Variants in CYP7B1 observed in about 807,000 individuals in gnomAD.
The protein encoded by CYP7B1 is cytochrome P450 family 7 subfamily B member 1.
Under a neutral mutation model 42.7 loss-of-function variants are expected in CYP7B1, and 29 were observed. That is an observed-to-expected ratio of 0.68 (90% CI 0.51 to 0.93). The LOEUF is 0.93. Among genes scored for constraint, CYP7B1 ranks in the 40% least tolerant of loss-of-function variants. The pLI is 0.00. For synonymous variants in CYP7B1, 235 were observed against 218.2 expected (o/e 1.08, Z -0.68); for missense variants, 655 against 600.5 (o/e 1.09, Z -0.95).
chr8:64,695,899 T>C (rs577085498), intron 1 of CYP7B1, among the ~76,000 whole-genome samples: 2 of 152,274 alleles, frequency 1.3e-5, no homozygotes, highest in South Asian at 4.1e-4. Flanking sequence ...GCAAAATGTT[T>C]TCAAGTACTT....
At chr8:64,614,213 T>C (rs182242326) in intron 4 of CYP7B1, among the ~76,000 whole-genome samples, 2 of 152,228 alleles carry the variant, frequency 1.3e-5, no homozygotes, top group East Asian at 3.9e-4. Context: ...GGGAACGAAA[T>C]CTTTAATTTG....
intron 2 of CYP7B1, among the ~76,000 whole-genome samples, chr8:64,623,153 C>T (rs995134616): frequency 6.6e-6 from 1 of 152,236 alleles, no homozygotes; most frequent in Non-Finnish European, 1.5e-5. Flanking sequence ...CCTTCCATCT[C>T]TCTACATGTG....
At chr8:64,677,750 A>C (rs1806473039) in intron 1 of CYP7B1, among the ~76,000 whole-genome samples, 2 of 101,082 alleles carry the variant, frequency 2.0e-5, no homozygotes, top group Non-Finnish European at 3.7e-5. Flanking sequence ...AATGTATCTT[A>C]AGATCTATGT....
At chr8:64,792,871 T>A (rs1417894788) in intron 1 of CYP7B1, among the ~76,000 whole-genome samples, 1 of 152,144 alleles carries the variant, frequency 6.6e-6, no homozygotes, top group African/African-American at 2.4e-5. Context: ...GCATTTTTTT[T>A]AATGTAGGAT....
chr8:64,611,184 G>C (rs1015922447), intron 4 of CYP7B1, among the ~76,000 whole-genome samples: 12 of 152,012 alleles, frequency 7.9e-5, no homozygotes, highest in Non-Finnish European at 1.6e-4. Flanking sequence ...AAGATCTCAA[G>C]GGCTCTGGTA....
intron 1 of CYP7B1, among the ~76,000 whole-genome samples, chr8:64,662,969 TCTACTC>T (rs1415288022): frequency 2.0e-5 from 3 of 152,212 alleles, no homozygotes; most frequent in Admixed American, 2.0e-4. Flanking sequence ...CTCCCTTTGT[TCTACTC>T]CTATACTCAA....
chr8:64,731,769 T>C (rs1222301319), intron 1 of CYP7B1, among the ~76,000 whole-genome samples: 1 of 152,156 alleles, frequency 6.6e-6, no homozygotes, highest in Non-Finnish European at 1.5e-5. Flanking sequence ...TTTGGTGACA[T>C]GGTGTCCTTG....
chr8:64,623,121 A>G (rs962324564), intron 2 of CYP7B1, among the ~76,000 whole-genome samples: 1 of 152,226 alleles, frequency 6.6e-6, no homozygotes, highest in African/African-American at 2.4e-5. Context: ...AAGATTGTAT[A>G]CAAAGATAGC....
At chr8:64,689,310 C>A (rs1285204577) in intron 1 of CYP7B1, among the ~76,000 whole-genome samples, 1 of 152,186 alleles carries the variant, frequency 6.6e-6, no homozygotes, top group Non-Finnish European at 1.5e-5. Context: ...AACTGAATTT[C>A]CTCACAAATA....
At chr8:64,730,818 C>T (rs1807397810) in intron 1 of CYP7B1, among the ~76,000 whole-genome samples, 1 of 150,870 alleles carries the variant, frequency 6.6e-6, no homozygotes, top group South Asian at 2.1e-4. Flanking sequence ...GGCTCTGTTT[C>T]CCCACCCAAA....
At chr8:64,773,401 T>C (rs1023635077) in intron 1 of CYP7B1, among the ~76,000 whole-genome samples, 1 of 152,238 alleles carries the variant, frequency 6.6e-6, no homozygotes, top group African/African-American at 2.4e-5. Flanking sequence ...AAATGGGATA[T>C]TCCCTATCAA....
At chr8:64,600,776 G>T (rs1805190602) in intron 5 of CYP7B1, among the ~76,000 whole-genome samples, 1 of 152,070 alleles carries the variant, frequency 6.6e-6, no homozygotes, top group Non-Finnish European at 1.5e-5. Context: ...CAGAGCCCTG[G>T]TTTACCAGCA....
intron 1 of CYP7B1, among the ~76,000 whole-genome samples, chr8:64,751,363 T>C (rs934870309): frequency 6.6e-6 from 1 of 152,288 alleles, no homozygotes; most frequent in African/African-American, 2.4e-5. Context: ...TCTCATAATA[T>C]GGTATAAACA....
At chr8:64,752,395 CGTGTGTGTGTGT>C (rs5891973) in intron 1 of CYP7B1, among the ~76,000 whole-genome samples, 1 of 148,180 alleles carries the variant, frequency 6.7e-6, no homozygotes, top group Non-Finnish European at 1.5e-5. Context: ...TGTGCATGTG[CGTGTGTGTGTGT>C]GTGTGTGTGT....
chr8:64,647,930 A>T (rs1051560752), intron 1 of CYP7B1, among the ~76,000 whole-genome samples: 1 of 152,182 alleles, frequency 6.6e-6, no homozygotes, highest in Admixed American at 6.5e-5. Context: ...TTCCTTTTAG[A>T]TGCCAATGAT....
intron 1 of CYP7B1, among the ~76,000 whole-genome samples, chr8:64,797,082 T>C (rs1319352451): frequency 2.0e-5 from 3 of 152,190 alleles, no homozygotes; most frequent in African/African-American, 7.2e-5. Context: ...GTTGATGGCA[T>C]GAATATCTCA....
chr8:64,647,756 G>A (rs1006713809), intron 1 of CYP7B1, among the ~76,000 whole-genome samples: 7 of 152,078 alleles, frequency 4.6e-5, no homozygotes, highest in African/African-American at 9.7e-5. Flanking sequence ...TCAATGTACC[G>A]GATGATGCCC....
intron 5 of CYP7B1, among the ~76,000 whole-genome samples, chr8:64,597,458 T>C (rs1200614409): frequency 6.6e-6 from 1 of 152,206 alleles, no homozygotes; most frequent in Non-Finnish European, 1.5e-5. Context: ...ATTAAACAAA[T>C]ATAAAATCGT....
chr8:64,681,966 G>C (rs1280335562), intron 1 of CYP7B1, among the ~76,000 whole-genome samples: 1 of 152,198 alleles, frequency 6.6e-6, no homozygotes, highest in Non-Finnish European at 1.5e-5. Context: ...CTGAGTTGTA[G>C]CCAATGTAGA....
Sources: allele counts gnomAD v4.1 joint callset (sites outside exome capture counted in the v4.1 genomes callset), GRCh38; gene constraint gnomAD v4.1.1; transcripts MANE v1.5; gene names NCBI Gene and HGNC (gene_info 2026-07-23, HGNC 2026-07-21).